The following IQGAP1 variants were observed in gnomAD, a reference collection of about 807,000 sequenced individuals.
IQGAP1 encodes IQ motif containing GTPase activating protein 1.
Under a neutral mutation model 215.6 loss-of-function variants are expected in IQGAP1, and 66 were observed. That is an observed-to-expected ratio of 0.31 (90% CI 0.25 to 0.38). The LOEUF (loss-of-function observed/expected upper bound fraction) is 0.38. Among genes scored for constraint, IQGAP1 ranks in the 10% least tolerant of loss-of-function variants. The pLI is 1.00. For missense variants in IQGAP1, 1,712 were observed against 1,997.1 expected (o/e 0.86, Z 2.72); for synonymous variants, 772 against 728.7 (o/e 1.06, Z -0.96).
chr15:90,405,776 T>C (rs1407486111), intron 2 of IQGAP1, among the ~76,000 whole-genome samples: 1 of 152,100 alleles, frequency 6.6e-6, no homozygotes, highest in African/African-American at 2.4e-5. Context: ...GAACACTTTT[T>C]TTTCTATCAG....
intron 8 of IQGAP1, among the ~76,000 whole-genome samples, chr15:90,442,439 C>T (rs557433912): frequency 4.0e-4 from 54 of 136,264 alleles, no homozygotes; most frequent in South Asian, 3.8e-3. Flanking sequence ...GGCGAGACTC[C>T]GTCTCGGGGG....
In IQGAP1 at chr15:90,426,273, C is replaced by T; in HGVS notation, c.312+7C>T. The T allele has an allele frequency of 1.3e-6, 2 of 1,578,762 alleles. No homozygotes were observed. Among genetic ancestry groups the T allele is most frequent in the Non-Finnish European group, 1.7e-6 (2 of 1,169,710 alleles). On this transcript the variant is annotated splice_region_variant and intron_variant, in intron 3 of 37. Transcript: ENST00000268182. ...AGAACAGACCAGATACAAGGTGAGT[C>T]CTTCCTTGCTTTGTGCTTAGATTTC...
intron 28 of IQGAP1, chr15:90,482,729 G>A (rs1596289640): frequency 1.0e-6 from 1 of 996,760 alleles, no homozygotes; most frequent in Non-Finnish European, 1.2e-6. Flanking sequence ...GTGAGGCCTC[G>A]ATTCTAGACT....
At chr15:90,416,838 A>G (rs926157872) in intron 2 of IQGAP1, among the ~76,000 whole-genome samples, 2 of 152,070 alleles carry the variant, frequency 1.3e-5, no homozygotes, top group Non-Finnish European at 2.9e-5. Context: ...TGGCCTCCCA[A>G]AGTGCTGGGA....
chr15:90,416,479 C>T (rs2151009681), intron 2 of IQGAP1, among the ~76,000 whole-genome samples: 1 of 152,298 alleles, frequency 6.6e-6, no homozygotes, highest in Middle Eastern at 3.4e-3. Context: ...GGAACTGCCA[C>T]ACTGTCTTCC....
intron 2 of IQGAP1, among the ~76,000 whole-genome samples, chr15:90,416,656 C>T (rs538813676): frequency 5.3e-5 from 8 of 151,752 alleles, no homozygotes; most frequent in Non-Finnish European, 1.0e-4. Flanking sequence ...TGGCTCACTG[C>T]AGGCTTCACC....
chr15:90,492,800 T>A, intron 35 of IQGAP1, 89 bp downstream of exon 35: 1 of 1,026,918 alleles, frequency 9.7e-7, no homozygotes. Context: ...AAATTTTTAC[T>A]TAAAATACAC....
chr15:90,477,803 T>A lies in IQGAP1; in HGVS notation c.3243T>A (p.Asp1081Glu). Residue 1081 changes from aspartate to glutamate, a missense_variant, in exon 26 of 38, where the codon GAT becomes GAA. Physicochemically the swap from Asp to Glu is conservative, Grantham distance 45 (BLOSUM62 2). Coordinates refer to ENST00000268182, the MANE Select transcript of IQGAP1 (RefSeq NM_003870.4). ...CCCCAGTCGTGAAGGAAATTATGGA[T>A]GACAAATCTCTCAACATCAAAACTG... ...ILAPVVKEIMDDKSLNIKTDP... is the reference protein window; with the variant it reads ...ILAPVVKEIMEDKSLNIKTDP... The A allele has an allele frequency of 6.2e-7, 1 of 1,614,064 alleles. No individual in the cohort carries two copies. Among genetic ancestry groups the A allele is most frequent in the Non-Finnish European group, 8.5e-7 (1 of 1,179,982 alleles).
intron 2 of IQGAP1, among the ~76,000 whole-genome samples, chr15:90,422,609 CATATATATATATATATGTAT>C (rs1358216992): frequency 6.3e-5 from 7 of 111,190 alleles, no homozygotes; most frequent in Non-Finnish European, 1.1e-4. Flanking sequence ...TTGTCTCATT[CATATATATATATATATGTAT>C]ATATATATAT....
chr15:90,417,536 C>CT (rs1965070603), intron 2 of IQGAP1, among the ~76,000 whole-genome samples: 1 of 152,136 alleles, frequency 6.6e-6, no homozygotes, highest in Non-Finnish European at 1.5e-5. Context: ...GGTATTATTT[C>CT]TGAGGGCTCT....
At chr15:90,460,177 T>C (rs1965741801) in intron 15 of IQGAP1, among the ~76,000 whole-genome samples, 1 of 152,086 alleles carries the variant, frequency 6.6e-6, no homozygotes, top group Non-Finnish European at 1.5e-5. Flanking sequence ...AGTAAAGGAA[T>C]AAAAGAATGG....
chr15:90,456,610 C>T (rs570079774), intron 15 of IQGAP1, among the ~76,000 whole-genome samples: 11 of 151,852 alleles, frequency 7.2e-5, no homozygotes, highest in African/African-American at 1.4e-4. Flanking sequence ...CAGTGGCTCA[C>T]GCCTTGTAAT....
rs1180116067 is a variant in IQGAP1 at position 90,483,606 on chromosome 15, G to A, written c.3788+13G>A. The A allele has an allele frequency of 5.8e-6, 9 of 1,551,104 alleles. No individual in the cohort carries two copies. The highest frequency in any genetic ancestry group is 4.5e-5 in the East Asian group (2 of 44,612). On this transcript the variant is annotated intron_variant, in intron 29 of 37. Coordinates refer to ENST00000268182, the MANE Select transcript of IQGAP1 (RefSeq NM_003870.4). ...ACCAGAAATTCAGGTAAGGGGAAAG[G>A]CACAAGTGCTTAAGAGAGTCTGTGG... is the stretch of plus-strand genomic sequence containing the variant.
At chr15:90,416,087 T>C (rs142610209) in intron 2 of IQGAP1, among the ~76,000 whole-genome samples, 2,154 of 152,284 alleles carry the variant, frequency 0.014, 38 homozygotes, top group South Asian at 0.064. Context: ...TGTTACATAA[T>C]GTATACAGGT....
chr15:90,436,557 A>G lies in IQGAP1; in HGVS notation c.467+2762A>G, dbSNP rs182663776. Among the ~76,000 whole-genome samples the G allele has an allele frequency of 6.6e-5, 10 of 152,342 alleles. No homozygotes were observed. In the East Asian group the frequency reaches 1.5e-3, roughly 23 times the overall value. On this transcript the variant is annotated intron_variant, in intron 5 of 37. Transcript: ENST00000268182. ...ATAATTAGAATCCAGATAGATTAAC[A>G]TAGCTTCCTTCTGCCCATTGCTACA... is the stretch of plus-strand genomic sequence containing the variant.
chr15:90,437,140 G>A (rs1400622605), intron 5 of IQGAP1, among the ~76,000 whole-genome samples: 3 of 152,226 alleles, frequency 2.0e-5, no homozygotes, highest in South Asian at 2.1e-4. Context: ...AAGCAGTCAC[G>A]TCTCACGTGG....
At chr15:90,397,889 T>TTTTTTTTTTTTTTTTTTTTC (rs1964749203) in intron 2 of IQGAP1, 3 of 126,946 alleles carry the variant, frequency 2.4e-5, no homozygotes, top group Admixed American at 8.7e-5. Flanking sequence ...TTTTTTTTTC[T>TTTTTTTTTTTTTTTTTTTTC]TTTTTTTTTT....
Position 90,486,967 on chromosome 15 carries a change from C to T in IQGAP1, c.4038C>T (p.Gly1346=), listed in dbSNP as rs1966135618. ...TIESLIGESS[G]NLNDPNKEAL... ...CCAAAACTTCAGGGGAAAGCTCTGG[C>T]AATTTAAATGACCCAAATAAGGAGG... Residue 1346 remains glycine (G), a synonymous_variant, in exon 32 of 38, where the codon GGC becomes GGT. Transcript: ENST00000268182. The T allele has an allele frequency of 2.5e-6, 4 of 1,613,918 alleles. No individual in the cohort carries two copies. The highest frequency in any genetic ancestry group is 3.4e-6 in the Non-Finnish European group (4 of 1,179,984).
chr15:90,481,269 CTTTTT>C lies in IQGAP1; in HGVS notation c.3330-669_3330-665del, dbSNP rs57452745. Among the ~76,000 whole-genome samples the C allele has an allele frequency of 8.0e-3, 900 of 113,164 alleles. 14 individuals are homozygous for C. Among genetic ancestry groups the C allele is most frequent in the African/African-American group, 0.028 (828 of 29,958 alleles). The allele number at this position is 113,164 out of a possible 152,430, so 74.2% of individuals were successfully genotyped here. On this transcript the variant is annotated intron_variant, in intron 26 of 37. Transcript: ENST00000268182. ...GTGTGTACCAAAGCTCTCTCTGCCT[CTTTTT>C]TTTTTTTTTTTTTTTTTTTTTAAGA... is the stretch of plus-strand genomic sequence containing the variant.
Sources: allele counts gnomAD v4.1 joint callset (sites outside exome capture counted in the v4.1 genomes callset), GRCh38; gene constraint gnomAD v4.1.1; transcripts MANE v1.5; gene names NCBI Gene and HGNC (gene_info 2026-07-23, HGNC 2026-07-21).